TMEM14A: variants seen among roughly 807,000 people sequenced by gnomAD.
The protein encoded by TMEM14A is transmembrane protein 14A.
In TMEM14A, 8 loss-of-function variants were observed where a neutral mutation model predicts 11.6. The ratio of observed to expected loss-of-function variants is 0.69; its 90% CI spans 0.40 to 1.24. The LOEUF is 1.24. Among genes scored for constraint, TMEM14A ranks in the 50% most tolerant of loss-of-function variants. TMEM14A has a pLI of 0.01. For synonymous variants in TMEM14A, 34 were observed against 45.5 expected, an observed-to-expected ratio of 0.75 and a Z score of 1.02; for missense variants, 108 against 121.9, an observed-to-expected ratio of 0.89 and a Z score of 0.54.
rs1371260385 is a variant in TMEM14A, at chr6:52,680,700, T to C, written c.71-1113T>C. ...ATATATATACATATATGTATATATA[T>C]ATATACACATATATATATGGCATGG... On this transcript the variant is annotated intron_variant, in intron 2 of 4. Transcript: ENST00000211314. Among the ~76,000 whole-genome samples the C allele has an allele frequency of 1.3e-4, 11 of 83,016 alleles. 1 individual carries two copies. The highest frequency in any genetic ancestry group is 1.0e-3 in the East Asian group (2 of 1,980). 54.5% of individuals were successfully genotyped at this position (83,016 alleles called of 152,430 possible). A position where few individuals can be genotyped will look rare whatever the true frequency, so the allele number is the denominator to read the frequency against.
intron 2 of TMEM14A, among the ~76,000 whole-genome samples, chr6:52,680,361 T>A (rs1769341735): frequency 6.6e-6 from 1 of 151,526 alleles, no homozygotes; most frequent in Non-Finnish European, 1.5e-5. Context: ...TAGAGTTTGG[T>A]ATATTCAGAG....
chr6:52,673,917 C>G (rs907347226), intron 1 of TMEM14A, among the ~76,000 whole-genome samples: 4 of 152,192 alleles, frequency 2.6e-5, no homozygotes, highest in Non-Finnish European at 4.4e-5. Context: ...TTACACATGT[C>G]AAGCTTAAAA....
At chr6:52,680,593 T>TATATA (rs1561874928) in intron 2 of TMEM14A, among the ~76,000 whole-genome samples, 3,373 of 96,302 alleles carry the variant, frequency 0.035, 140 homozygotes, top group East Asian at 0.065. Context: ...ATTTATATAT[T>TATATA]TATATATATA....
chr6:52,676,037 A>T lies in TMEM14A; in HGVS notation c.-16-1050A>T, dbSNP rs141646419. 6.5e-3 allele frequency among the ~76,000 whole-genome samples: 992 copies of T among 152,288 alleles called. 21 individuals carry two copies. Among genetic ancestry groups the T allele is most frequent in the Admixed American group, 0.034 (527 of 15,304 alleles). ...GGGAGGGAGGACATTTCAGGCATGG[A>T]AGTGAAAAGTGAAGATTGTAGTGTC... On this transcript the variant is annotated intron_variant, in intron 1 of 4. Transcript: ENST00000211314.
At chr6:52,684,563 G>A (rs1769458276) in intron 4 of TMEM14A, among the ~76,000 whole-genome samples, 1 of 152,224 alleles carries the variant, frequency 6.6e-6, no homozygotes, top group Non-Finnish European at 1.5e-5. Flanking sequence ...TTAAGGGACA[G>A]AAATTTAATA....
intron 1 of TMEM14A, 125 bp from the exon 2 acceptor site, chr6:52,676,962 C>T (rs867275062): frequency 2.4e-6 from 2 of 843,800 alleles, no homozygotes; most frequent in Middle Eastern, 2.3e-4. Flanking sequence ...CACTCAGGAT[C>T]ACAATTCAAC....
At position 52,671,146 on chromosome 6, in the gene TMEM14A, G is replaced by C. The variant is rs533859838; in HGVS notation, c.-116G>C. 4.6e-5 allele frequency: 7 copies of C among 152,442 alleles called. No homozygotes were observed. Among genetic ancestry groups the C allele is most frequent in the African/African-American group, 1.7e-4 (7 of 41,598 alleles). 9.4% of individuals were successfully genotyped at this position (152,442 alleles called of 1,614,324 possible). ...ACGGCTGGGCGCCGAGTGGGACAGC[G>C]CTGGTGCGGAGACTGCTTCCGGACT... On this transcript the variant is annotated 5_prime_UTR_variant, in exon 1 of 5. Coordinates refer to ENST00000211314, the MANE Select transcript of TMEM14A (RefSeq NM_014051.4).
chr6:52,683,856 C>G lies in TMEM14A; in HGVS notation c.173-222C>G, dbSNP rs570019692. 3.9e-5 allele frequency among the ~76,000 whole-genome samples: 6 copies of G among 152,286 alleles called. No homozygotes were observed. In the South Asian group the frequency reaches 1.2e-3, roughly 32 times the overall value. On this transcript the variant is annotated intron_variant, in intron 3 of 4. Coordinates refer to ENST00000211314, the MANE Select transcript of TMEM14A (RefSeq NM_014051.4). ...CCTCAAACTCCCAACATCAGGTGAT[C>G]CACCCATCTCTGCCTCCCAAAGTGC...
chr6:52,680,704 T>TATATATACAC (rs371102796), intron 2 of TMEM14A, among the ~76,000 whole-genome samples: 1,921 of 50,658 alleles, frequency 0.038, 270 homozygotes, highest in East Asian at 0.056. Context: ...TATATATATA[T>TATATATACAC]ACACATATAT....
intron 2 of TMEM14A, 144 bp from the exon 3 acceptor site, chr6:52,681,669 G>A (rs1287827252): frequency 3.0e-6 from 2 of 663,620 alleles, no homozygotes; most frequent in Non-Finnish European, 5.3e-6. Context: ...CCATGAAGAG[G>A]CCTATTCTTA....
At chr6:52,680,673 A>ATATATATACATATATGTGTT (rs1769363251) in intron 2 of TMEM14A, among the ~76,000 whole-genome samples, 1 of 86,028 alleles carries the variant, frequency 1.2e-5, no homozygotes, top group East Asian at 3.6e-4. Context: ...ATATGTGTAT[A>ATATATATACATATATGTGTT]TATATATATA....
intron 3 of TMEM14A, among the ~76,000 whole-genome samples, chr6:52,682,591 T>C (rs1372105982): frequency 4.1e-5 from 1 of 24,236 alleles, no homozygotes; most frequent in East Asian, 4.7e-3. Context: ...AGTGAGAGAT[T>C]TGGGGTTTTT....
At chr6:52,683,487 A>AC (rs1561876060) in intron 3 of TMEM14A, among the ~76,000 whole-genome samples, 49 of 105,340 alleles carry the variant, frequency 4.7e-4, no homozygotes, top group South Asian at 8.8e-4. Context: ...CAACAACAAA[A>AC]AAAAAAAAAA....
At chr6:52,679,124 A>G (rs1431454668) in intron 2 of TMEM14A, among the ~76,000 whole-genome samples, 1 of 152,196 alleles carries the variant, frequency 6.6e-6, no homozygotes, top group Non-Finnish European at 1.5e-5. Flanking sequence ...GTGAGACACA[A>G]GTTGGGTTAA....
chr6:52,681,917 A>G lies in TMEM14A; in HGVS notation c.172+3A>G. On this transcript the variant is annotated splice_donor_region_variant and intron_variant, in intron 3 of 4. Coordinates refer to ENST00000211314, the MANE Select transcript of TMEM14A (RefSeq NM_014051.4). ...ACGAGATGTAAAAGTGTCACTGTGT[A>G]AGTAAGGCATTTTTCCTGGTTACAG... The G allele has an allele frequency of 6.2e-7, 1 of 1,613,088 alleles. No individual in the cohort carries two copies.
Position 52,680,704 on chromosome 6 carries a change from T to TATATATATATATATATACAC in TMEM14A, c.71-1108_71-1107insTATATATATATATATACACA, listed in dbSNP as rs371102796. ...ATATACATATATGTATATATATATA[T>TATATATATATATATATACAC]ACACATATATATATGGCATGGATGA... On this transcript the variant is annotated intron_variant, in intron 2 of 4. Coordinates refer to ENST00000211314, the MANE Select transcript of TMEM14A (RefSeq NM_014051.4). 6.1e-3 allele frequency among the ~76,000 whole-genome samples: 311 copies of TATATATATATATATATACAC among 51,086 alleles called. 38 individuals are homozygous for TATATATATATATATATACAC. Among genetic ancestry groups the TATATATATATATATATACAC allele is most frequent in the Middle Eastern group, 9.1e-3 (1 of 110 alleles). The allele number at this position is 51,086 out of a possible 152,430, so 33.5% of individuals were successfully genotyped here.
rs1561874928 is a variant in TMEM14A at position 52,680,593 on chromosome 6, T to TATATATATATATATATATA, written c.71-1220_71-1219insATATATATATATATATATA. On this transcript the variant is annotated intron_variant, in intron 2 of 4. Coordinates refer to ENST00000211314, the MANE Select transcript of TMEM14A (RefSeq NM_014051.4). ...TCTAAGCCACTATATATTTATATAT[T>TATATATATATATATATATA]TATATATATATATATATATGTATAT... is the stretch of plus-strand genomic sequence containing the variant. Among the ~76,000 whole-genome samples, 104 of 96,504 alleles carry TATATATATATATATATATA rather than the reference T, an allele frequency of 1.1e-3. 1 individual carries two copies. Among genetic ancestry groups the TATATATATATATATATATA allele is most frequent in the East Asian group, 3.8e-3 (11 of 2,878 alleles). The allele number at this position is 96,504 out of a possible 152,430, so 63.3% of individuals were successfully genotyped here.
chr6:52,675,963 T>C (rs1769249973), intron 1 of TMEM14A, among the ~76,000 whole-genome samples: 1 of 152,060 alleles, frequency 6.6e-6, no homozygotes, highest in South Asian at 2.1e-4. Context: ...GGGAGAAGGT[T>C]TAAAGGGAGG....
At chr6:52,683,275 C>A (rs913420705) in intron 3 of TMEM14A, among the ~76,000 whole-genome samples, 3 of 152,040 alleles carry the variant, frequency 2.0e-5, no homozygotes, top group African/African-American at 7.2e-5. Flanking sequence ...GCCTGGCCAA[C>A]ATAGCAAGAC....
Sources: gnomAD v4.1 joint callset for allele counts (sites outside exome capture counted in the v4.1 genomes callset) on GRCh38, gnomAD v4.1.1 for gene constraint, MANE v1.5 for transcripts, NCBI Gene and HGNC (gene_info 2026-07-23, HGNC 2026-07-21) for gene names.